SRPK2: variants seen among roughly 807,000 people sequenced by gnomAD.
SRPK2 encodes SFRS protein kinase 2.
A neutral mutation model predicts 90.8 loss-of-function variants in SRPK2; 21 were observed. That is an observed-to-expected ratio of 0.23 (90% CI 0.16 to 0.33). The LOEUF is 0.33. Among genes scored for constraint, SRPK2 ranks in the 10% least tolerant of loss-of-function variants. The pLI is 1.00. For missense variants in SRPK2, 620 were observed against 869.0 expected (o/e 0.71, Z 3.60); for synonymous variants, 288 against 311.1 (o/e 0.93, Z 0.78).
At chr7:105,141,639 AAAACT>A (rs1157243926) in intron 11 of SRPK2, among the ~76,000 whole-genome samples, 9 of 152,346 alleles carry the variant, frequency 5.9e-5, no homozygotes, top group Non-Finnish European at 8.8e-5. Context: ...GAAACAAAAC[AAAACT>A]AAACTAAACT....
At chr7:105,153,610 GT>G (rs2129579710) in intron 7 of SRPK2, among the ~76,000 whole-genome samples, 1 of 152,206 alleles carries the variant, frequency 6.6e-6, no homozygotes, top group East Asian at 1.9e-4. Context: ...ATTCTGAACT[GT>G]AAAAAGAAAT....
At chr7:105,331,128 C>A (rs915703036) in intron 2 of SRPK2, among the ~76,000 whole-genome samples, 28 of 151,294 alleles carry the variant, frequency 1.9e-4, no homozygotes, top group African/African-American at 6.5e-4. Flanking sequence ...ATGGTGAAAC[C>A]CCATCTCTAC....
chr7:105,281,083 T>C (rs1382545334), intron 2 of SRPK2, among the ~76,000 whole-genome samples: 1 of 151,650 alleles, frequency 6.6e-6, no homozygotes, highest in Non-Finnish European at 1.5e-5. Flanking sequence ...TGTTGTTGTA[T>C]TTGTTGTTTG....
intron 2 of SRPK2, among the ~76,000 whole-genome samples, chr7:105,361,330 C>T (rs891221233): frequency 6.6e-6 from 1 of 152,096 alleles, no homozygotes; most frequent in African/African-American, 2.4e-5. Flanking sequence ...AAAGAGGACA[C>T]AAACAAATGG....
chr7:105,147,245 A>G (rs1432225680), intron 7 of SRPK2, among the ~76,000 whole-genome samples: 1 of 152,206 alleles, frequency 6.6e-6, no homozygotes, highest in African/African-American at 2.4e-5. Context: ...GTATCATACA[A>G]TTGACCCCTT....
intron 2 of SRPK2, chr7:105,244,721 C>T (rs1048558466): frequency 8.5e-7 from 1 of 1,171,030 alleles, no homozygotes; most frequent in South Asian, 1.3e-5. Context: ...CGTGAGCGAG[C>T]CCAGGCACAG....
chr7:105,256,055 T>C (rs1436607507), intron 2 of SRPK2, among the ~76,000 whole-genome samples: 1 of 152,198 alleles, frequency 6.6e-6, no homozygotes, highest in African/African-American at 2.4e-5. Context: ...AGAGCAGTGA[T>C]CTGCAGTGTT....
At chr7:105,326,985 C>A (rs1234094027) in intron 2 of SRPK2, among the ~76,000 whole-genome samples, 2 of 151,542 alleles carry the variant, frequency 1.3e-5, no homozygotes, top group African/African-American at 2.4e-5. Context: ...AGCACTTGAA[C>A]CCAGGAGGTG....
chr7:105,284,802 T>G (rs1030543064), intron 2 of SRPK2, among the ~76,000 whole-genome samples: 2 of 152,190 alleles, frequency 1.3e-5, no homozygotes, highest in Admixed American at 6.5e-5. Flanking sequence ...CTTTGGTGCT[T>G]TATACAATAT....
intron 2 of SRPK2, among the ~76,000 whole-genome samples, chr7:105,262,852 GA>G (rs992834677): frequency 6.6e-6 from 1 of 151,882 alleles, no homozygotes; most frequent in Non-Finnish European, 1.5e-5. Context: ...GTAAGAGAAG[GA>G]AAAAAATATA....
intron 2 of SRPK2, among the ~76,000 whole-genome samples, chr7:105,255,442 G>A (rs563302234): frequency 6.6e-6 from 1 of 152,044 alleles, no homozygotes; most frequent in Non-Finnish European, 1.5e-5. Flanking sequence ...ATATTTCCTG[G>A]GGGGAGGGTA....
intron 2 of SRPK2, among the ~76,000 whole-genome samples, chr7:105,295,877 G>A (rs187977822): frequency 6.6e-6 from 1 of 152,122 alleles, no homozygotes; most frequent in African/African-American, 2.4e-5. Flanking sequence ...CAGATACTGA[G>A]GATTAAGAAT....
rs551228530 is a variant in SRPK2 at position 105,184,821 on chromosome 7, G to A, written c.230-15556C>T. The stretch of plus-strand genomic sequence containing the variant: ...TAACAATCTGGTTATCCCCTAATAA[G>A]TCATGTGGTCTTTCCATCTAAGAAT... On this transcript the variant is annotated intron_variant, in intron 3 of 15. Coordinates refer to ENST00000393651, the MANE Select transcript of SRPK2 (RefSeq NM_182692.3). Among the ~76,000 whole-genome samples the A allele has an allele frequency of 2.6e-5, 4 of 152,252 alleles. No homozygotes were observed. In the South Asian group the frequency reaches 8.3e-4, roughly 32 times the overall value.
In SRPK2 at chr7:105,134,710, G is replaced by A. The variant is rs537668777; in HGVS notation, c.1544-1606C>T. Among the ~76,000 whole-genome samples, 19 of 152,340 alleles carry A rather than the reference G, an allele frequency of 1.2e-4. No homozygotes were observed. The East Asian group carries it at 3.5e-3, about 28-fold the overall frequency. On this transcript the variant is annotated intron_variant, in intron 11 of 15. Coordinates refer to ENST00000393651, the MANE Select transcript of SRPK2 (RefSeq NM_182692.3). ...GCCTTGCAACTTGCCGTAAGGCAGTGAACAGGCAAGGGCCTCAGGACCTAG... is the reference window on the plus strand; with the variant it reads ...GCCTTGCAACTTGCCGTAAGGCAGTAAACAGGCAAGGGCCTCAGGACCTAG...
intron 2 of SRPK2, among the ~76,000 whole-genome samples, chr7:105,291,504 G>A (rs1809014892): frequency 6.6e-6 from 1 of 152,146 alleles, no homozygotes; most frequent in African/African-American, 2.4e-5. Context: ...CGAGGCAGGT[G>A]GATCACTTGA....
In SRPK2 at chr7:105,234,846, A is replaced by G. The variant is rs957898987; in HGVS notation, c.72-31061T>C. On this transcript the variant is annotated intron_variant, in intron 2 of 15. Coordinates refer to ENST00000393651, the MANE Select transcript of SRPK2 (RefSeq NM_182692.3). The stretch of plus-strand genomic sequence containing the variant: ...GGTAAGAAAAGAGGGCATCACAGAC[A>G]TGGAGAAGATGGTAACAGAATTTCA... Among the ~76,000 whole-genome samples, 16 of 152,376 alleles carry G rather than the reference A, an allele frequency of 1.1e-4. 1 individual carries two copies. In the Middle Eastern group the frequency reaches 0.01, roughly 97 times the overall value.
intron 15 of SRPK2, among the ~76,000 whole-genome samples, chr7:105,124,122 C>T (rs1342214274): frequency 2.6e-5 from 4 of 152,182 alleles, no homozygotes; most frequent in African/African-American, 4.8e-5. Flanking sequence ...TATGGCCACA[C>T]GCAGGCCGCT....
chr7:105,271,496 G>A (rs1424666735), intron 2 of SRPK2, among the ~76,000 whole-genome samples: 1 of 152,186 alleles, frequency 6.6e-6, no homozygotes. Flanking sequence ...CACATACTCT[G>A]TCTATGCTAC....
intron 3 of SRPK2, among the ~76,000 whole-genome samples, chr7:105,199,221 C>T (rs1265242201): frequency 1.3e-5 from 2 of 152,146 alleles, no homozygotes; most frequent in African/African-American, 2.4e-5. Context: ...CTTCTGCCCT[C>T]CAACCCAAGT....
Sources: gnomAD v4.1 joint callset for allele counts (sites outside exome capture counted in the v4.1 genomes callset) on GRCh38, gnomAD v4.1.1 for gene constraint, MANE v1.5 for transcripts, NCBI Gene and HGNC (gene_info 2026-07-23, HGNC 2026-07-21) for gene names.